STN1: variants seen among roughly 807,000 people sequenced by gnomAD.
STN1 encodes the protein CST complex subunit STN1.
STN1 carries 29 observed loss-of-function variants against 45.5 expected under a neutral mutation model. The observed-to-expected ratio is 0.64, with a 90% CI of 0.47 to 0.87. The LOEUF (loss-of-function observed/expected upper bound fraction) is 0.87, where lower values mean the gene tolerates loss of function less well. STN1 is among the 40% of genes least tolerant of loss of function. STN1 has a pLI of 0.00. For synonymous variants in STN1, 148 were observed against 159.0 expected (o/e 0.93, Z 0.52); for missense variants, 376 against 441.4 (o/e 0.85, Z 1.33).
intron 9 of STN1, among the ~76,000 whole-genome samples, chr10:103,887,792 T>C (rs1052581584): frequency 1.3e-5 from 2 of 152,204 alleles, no homozygotes; most frequent in Non-Finnish European, 2.9e-5. Context: ...CAAGTCCAAA[T>C]GAAATGTGAA....
intron 2 of STN1, among the ~76,000 whole-genome samples, chr10:103,912,643 G>A (rs1255467028): frequency 6.6e-6 from 1 of 152,256 alleles, no homozygotes; most frequent in East Asian, 1.9e-4. Context: ...GAGCAGGGCT[G>A]AGGCATGGTG....
chr10:103,892,101 G>GA lies in STN1; in HGVS notation c.876+28dup, dbSNP rs758586974. ...ATATATTTGTAATTGAAGCTACAAAGAAAAAAAGTTAAGTTGCAAGTGTCT... is the reference window on the plus strand; with the variant it reads ...ATATATTTGTAATTGAAGCTACAAAGAAAAAAAAGTTAAGTTGCAAGTGTCT... On this transcript the variant is annotated intron_variant, in intron 8 of 9. Transcript: ENST00000224950. 8 of 1,541,274 alleles carry GA rather than the reference G, an allele frequency of 5.2e-6. No individual in the cohort carries two copies. In the South Asian group the frequency reaches 6.2e-5, roughly 12 times the overall value.
chr10:103,909,426 A>G (rs1229087993), intron 3 of STN1, among the ~76,000 whole-genome samples: 3,503 of 56,806 alleles, frequency 0.062, 208 homozygotes, highest in Non-Finnish European at 0.082. Flanking sequence ...GTATATATGT[A>G]TATATATGTA....
intron 2 of STN1, among the ~76,000 whole-genome samples, chr10:103,914,362 ATATATATATATATTT>A (rs1843312699): frequency 8.0e-5 from 1 of 12,448 alleles, no homozygotes; most frequent in African/African-American, 2.2e-4. Flanking sequence ...ATATATATAT[ATATATATATATATTT>A]TTTTTTTTTT....
intron 2 of STN1, among the ~76,000 whole-genome samples, chr10:103,913,556 G>A (rs976746565): frequency 2.0e-5 from 3 of 152,038 alleles, no homozygotes; most frequent in Admixed American, 2.0e-4. Context: ...CAACTGAGGA[G>A]GAAATACACT....
intron 1 of STN1, 133 bp from the exon 2 acceptor site, chr10:103,917,789 T>G: frequency 3.7e-6 from 2 of 544,204 alleles, no homozygotes; most frequent in South Asian, 2.4e-5. Context: ...CCTGTCAAAC[T>G]CCATGCCACG....
At chr10:103,914,356 ATATATATATATATATATATT>A (rs1270630152) in intron 2 of STN1, among the ~76,000 whole-genome samples, 4 of 19,144 alleles carry the variant, frequency 2.1e-4, no homozygotes, top group Admixed American at 2.0e-3. Context: ...ATATATATAT[ATATATATATATATATATATT>A]TTTTTTTTTT....
chr10:103,879,230 T>C lies in STN1; in HGVS notation c.*3454A>G, dbSNP rs1229690101. The stretch of plus-strand genomic sequence containing the variant: ...TTAGGAGATGCGTCAGGCACTGTTC[T>C]AGGTGCTGGGGACATGGAAGGAAAC... On this transcript the variant is annotated 3_prime_UTR_variant, in exon 10 of 10. Coordinates refer to ENST00000224950, the MANE Select transcript of STN1 (RefSeq NM_024928.5). 6.6e-6 allele frequency: 1 copy of C among 152,264 alleles called. No homozygotes were observed. The highest frequency in any genetic ancestry group is 1.5e-5 in the Non-Finnish European group (1 of 68,088). 9.4% of individuals were successfully genotyped at this position (152,264 alleles called of 1,614,324 possible).
chr10:103,889,038 C>G, intron 9 of STN1, 34 bp downstream of exon 9: 2 of 1,457,362 alleles, frequency 1.4e-6, no homozygotes, highest in Non-Finnish European at 1.9e-6. Context: ...CCTTCCAGGG[C>G]ACCAGGGCAT....
intron 5 of STN1, 132 bp downstream of exon 5, chr10:103,899,930 A>G: frequency 1.5e-6 from 1 of 672,784 alleles, no homozygotes; most frequent in South Asian, 2.1e-5. Flanking sequence ...ATGTTAAACA[A>G]TGTAATTCAC....
intron 3 of STN1, among the ~76,000 whole-genome samples, chr10:103,907,391 T>G (rs1443876803): frequency 6.6e-6 from 1 of 152,226 alleles, no homozygotes; most frequent in East Asian, 1.9e-4. Flanking sequence ...CATTAAACAG[T>G]GTATTTTGAC....
chr10:103,904,997 G>T, intron 4 of STN1, 94 bp downstream of exon 4: 1 of 1,073,118 alleles, frequency 9.3e-7, no homozygotes, highest in Non-Finnish European at 1.4e-6. Flanking sequence ...GCAGATAAAT[G>T]TGAAAATTTA....
chr10:103,900,843 C>T (rs1479574188), intron 4 of STN1, among the ~76,000 whole-genome samples: 1 of 152,132 alleles, frequency 6.6e-6, no homozygotes, highest in Non-Finnish European at 1.5e-5. Context: ...TTCTAAATAA[C>T]TTCTATCACT....
intron 9 of STN1, among the ~76,000 whole-genome samples, chr10:103,888,339 G>A (rs1843117098): frequency 6.6e-6 from 1 of 152,194 alleles, no homozygotes; most frequent in African/African-American, 2.4e-5. Flanking sequence ...ATTATAGTAT[G>A]TGTTTGCAAA....
At chr10:103,891,044 T>C (rs1048028939) in intron 8 of STN1, among the ~76,000 whole-genome samples, 1 of 152,212 alleles carries the variant, frequency 6.6e-6, no homozygotes, top group Non-Finnish European at 1.5e-5. Context: ...GGGAGTCAAC[T>C]GGTACAGCCT....
At position 103,878,513 on chromosome 10, in the gene STN1, G is replaced by T. The variant is rs1263176722; in HGVS notation, c.*4171C>A. 1 of 152,194 alleles carries T rather than the reference G, an allele frequency of 6.6e-6. No homozygotes were observed. The highest frequency in any genetic ancestry group is 1.5e-5 in the Non-Finnish European group (1 of 68,046). The allele number at this position is 152,194 out of a possible 1,614,324, so 9.4% of individuals were successfully genotyped here. On this transcript the variant is annotated 3_prime_UTR_variant, in exon 10 of 10. Coordinates refer to ENST00000224950, the MANE Select transcript of STN1 (RefSeq NM_024928.5). Reference sequence around the variant, plus strand: ...TTGTAGAAATTATATAAGGAGTCAGGAGTTTGAGACTGCCCGGGCCGAGTC... The same window carrying T: ...TTGTAGAAATTATATAAGGAGTCAGTAGTTTGAGACTGCCCGGGCCGAGTC...
At chr10:103,901,338 C>A (rs1251300713) in intron 4 of STN1, among the ~76,000 whole-genome samples, 1 of 152,204 alleles carries the variant, frequency 6.6e-6, no homozygotes, top group Non-Finnish European at 1.5e-5. Context: ...CCTCCCACCT[C>A]AGTCTCTTGA....
intron 9 of STN1, among the ~76,000 whole-genome samples, chr10:103,886,438 A>G (rs968069408): frequency 1.3e-5 from 2 of 152,024 alleles, no homozygotes; most frequent in Non-Finnish European, 2.9e-5. Context: ...TTTCAGAGTA[A>G]AAAGTTAGAG....
At chr10:103,914,371 TATA>T (rs1173995084) in intron 2 of STN1, among the ~76,000 whole-genome samples, 67 of 9,860 alleles carry the variant, frequency 6.8e-3, no homozygotes, top group East Asian at 0.027. Flanking sequence ...TATATATATA[TATA>T]TTTTTTTTTT....
Sources: gnomAD v4.1 joint callset for allele counts (sites outside exome capture counted in the v4.1 genomes callset) on GRCh38, gnomAD v4.1.1 for gene constraint, MANE v1.5 for transcripts, NCBI Gene and HGNC (gene_info 2026-07-23, HGNC 2026-07-21) for gene names.